PDE4D: variants seen among roughly 807,000 people sequenced by gnomAD.
The protein encoded by PDE4D is phosphodiesterase 4D.
PDE4D carries 24 observed loss-of-function variants against 87.4 expected under a neutral mutation model. The ratio of observed to expected loss-of-function variants is 0.27; its 90% CI spans 0.20 to 0.39. The LOEUF is 0.39. PDE4D is among the 10% of genes least tolerant of loss of function. The probability of loss-of-function intolerance (pLI) is 1.00; values close to 1 mark genes in which losing one functional copy is unlikely to be tolerated. For synonymous variants in PDE4D, 384 were observed against 383.2 expected (o/e 1.00, Z -0.02); for missense variants, 714 against 1,041.0 (o/e 0.69, Z 4.32).
At chr5:60,497,788 T>G (rs1370855622) in intron 1 of PDE4D, among the ~76,000 whole-genome samples, 1 of 152,192 alleles carries the variant, frequency 6.6e-6, no homozygotes, top group African/African-American at 2.4e-5. Context: ...TAATTGCAAG[T>G]GCTTTCTCCC....
intron 1 of PDE4D, among the ~76,000 whole-genome samples, chr5:59,428,495 T>C (rs1032417965): frequency 6.6e-6 from 1 of 151,988 alleles, no homozygotes; most frequent in African/African-American, 2.4e-5. Flanking sequence ...CGAGATGATA[T>C]GAAAATAAAC....
chr5:60,244,645 G>A (rs1438751697), intron 1 of PDE4D, among the ~76,000 whole-genome samples: 5 of 151,686 alleles, frequency 3.3e-5, no homozygotes, highest in South Asian at 4.2e-4. Context: ...AAATAAATCC[G>A]TACATCTACA....
At chr5:59,942,922 T>C (rs562769442) in intron 3 of PDE4D, among the ~76,000 whole-genome samples, 2 of 152,020 alleles carry the variant, frequency 1.3e-5, no homozygotes, top group Non-Finnish European at 2.9e-5. Flanking sequence ...TTGCCACAAC[T>C]TGTGGGGCGA....
chr5:59,034,200 T>TG (rs1561355061), intron 6 of PDE4D, among the ~76,000 whole-genome samples: 1 of 152,194 alleles, frequency 6.6e-6, no homozygotes, highest in African/African-American at 2.4e-5. Context: ...ATTGAGTAGA[T>TG]GAAAAAGCAG....
chr5:59,135,450 T>C (rs979849924), intron 5 of PDE4D, among the ~76,000 whole-genome samples: 1 of 152,200 alleles, frequency 6.6e-6, no homozygotes, highest in Non-Finnish European at 1.5e-5. Flanking sequence ...CATTTTTCTT[T>C]TTCTTACCAC....
intron 1 of PDE4D, among the ~76,000 whole-genome samples, chr5:59,885,814 T>A (rs927543626): frequency 1.3e-5 from 2 of 152,176 alleles, no homozygotes; most frequent in Non-Finnish European, 2.9e-5. Flanking sequence ...TAACTCAAAT[T>A]ATAGGCTGCT....
intron 1 of PDE4D, among the ~76,000 whole-genome samples, chr5:60,429,474 T>C (rs1261933414): frequency 1.3e-5 from 2 of 152,166 alleles, no homozygotes; most frequent in Non-Finnish European, 2.9e-5. Context: ...TCTTCCCTTA[T>C]TGCTCTGGCT....
chr5:59,617,370 A>T (rs1259676704), intron 1 of PDE4D, among the ~76,000 whole-genome samples: 2 of 152,206 alleles, frequency 1.3e-5, no homozygotes, highest in African/African-American at 4.8e-5. Flanking sequence ...ATATTGATCT[A>T]TGAATGTATG....
At chr5:59,831,833 G>T (rs1444458970) in intron 1 of PDE4D, among the ~76,000 whole-genome samples, 1 of 151,992 alleles carries the variant, frequency 6.6e-6, no homozygotes, top group Non-Finnish European at 1.5e-5. Context: ...TAGAGTTGAC[G>T]CAGTACAGCA....
At chr5:59,537,799 T>C (rs1334355665) in intron 1 of PDE4D, among the ~76,000 whole-genome samples, 4 of 152,232 alleles carry the variant, frequency 2.6e-5, no homozygotes, top group Non-Finnish European at 5.9e-5. Flanking sequence ...AATAACACTA[T>C]AACATTAAGG....
intron 1 of PDE4D, among the ~76,000 whole-genome samples, chr5:59,789,859 T>C (rs1022925987): frequency 6.6e-6 from 1 of 152,210 alleles, no homozygotes; most frequent in Non-Finnish European, 1.5e-5. Flanking sequence ...TATGTTGCTC[T>C]GATTTTAGAG....
intron 3 of PDE4D, among the ~76,000 whole-genome samples, chr5:59,925,180 A>AAAAAAAAAAAAAG (rs1347981665): frequency 2.0e-5 from 3 of 151,388 alleles, no homozygotes; most frequent in Non-Finnish European, 2.9e-5. Flanking sequence ...ATCTCAAAAA[A>AAAAAAAAAAAAAG]AAAAGAAACA....
chr5:59,357,804 C>G (rs991960289), intron 1 of PDE4D, among the ~76,000 whole-genome samples: 8 of 152,204 alleles, frequency 5.3e-5, no homozygotes, highest in Admixed American at 1.3e-4. Flanking sequence ...GTGCCGTCAT[C>G]GGTCCTCACC....
intron 1 of PDE4D, chr5:59,275,877 C>T (rs1659190747): frequency 1.0e-6 from 1 of 985,408 alleles, no homozygotes; most frequent in Admixed American, 6.2e-5. Flanking sequence ...AGTTCCATTT[C>T]AGGGCAAGCA....
intron 2 of PDE4D, among the ~76,000 whole-genome samples, chr5:59,989,115 T>C (rs3062706): frequency 2.6e-3 from 196 of 73,976 alleles, no homozygotes; most frequent in African/African-American, 5.6e-3. Flanking sequence ...TATATATATA[T>C]ACACACACAC....
intron 1 of PDE4D, among the ~76,000 whole-genome samples, chr5:60,461,613 C>G (rs1395851470): frequency 6.6e-6 from 1 of 152,152 alleles, no homozygotes; most frequent in Non-Finnish European, 1.5e-5. Flanking sequence ...TCCAACAAAC[C>G]AAACCACAGA....
chr5:60,148,663 C>A (rs114169487), intron 2 of PDE4D, among the ~76,000 whole-genome samples: 3 of 152,126 alleles, frequency 2.0e-5, no homozygotes, highest in Non-Finnish European at 2.9e-5. Context: ...GAAACACTGT[C>A]GTTAATAGTT....
intron 1 of PDE4D, among the ~76,000 whole-genome samples, chr5:59,480,815 C>T (rs1804122814): frequency 4.6e-5 from 7 of 152,108 alleles, no homozygotes; most frequent in Admixed American, 4.6e-4. Context: ...CAGTGTAGTT[C>T]CTGCCTTTGT....
At chr5:60,151,436 T>G (rs1320194935) in intron 2 of PDE4D, among the ~76,000 whole-genome samples, 5 of 152,208 alleles carry the variant, frequency 3.3e-5, no homozygotes, top group Non-Finnish European at 7.3e-5. Context: ...TTAATTTCTT[T>G]CATTAACGTT....
Sources: gnomAD v4.1 joint callset for allele counts (sites outside exome capture counted in the v4.1 genomes callset) on GRCh38, gnomAD v4.1.1 for gene constraint, MANE v1.5 for transcripts, NCBI Gene and HGNC (gene_info 2026-07-23, HGNC 2026-07-21) for gene names.